WDR46: variants seen among roughly 807,000 people sequenced by gnomAD.
WDR46 encodes WD repeat-containing protein 46.
In WDR46, 58 loss-of-function variants were observed where a neutral mutation model predicts 74.7. That is an observed-to-expected ratio of 0.78 (90% CI 0.63 to 0.97). The LOEUF (loss-of-function observed/expected upper bound fraction) is 0.97. WDR46 is among the 50% of genes least tolerant of loss of function. The pLI, the probability that WDR46 is intolerant of heterozygous loss-of-function variation, is 0.00. For missense variants in WDR46, 702 were observed against 790.1 expected (o/e 0.89, Z 1.34); for synonymous variants, 278 against 297.3 (o/e 0.93, Z 0.67).
In WDR46 at chr6:33,287,949, T is replaced by C; in HGVS notation, c.623+16A>G. 6.2e-7 allele frequency: 1 copy of C among 1,613,918 alleles called. No individual in the cohort carries two copies. Among genetic ancestry groups the C allele is most frequent in the Non-Finnish European group, 8.5e-7 (1 of 1,179,794 alleles). On this transcript the variant is annotated intron_variant, in intron 6 of 14. Coordinates refer to ENST00000374617, the MANE Select transcript of WDR46 (RefSeq NM_005452.6). The stretch of plus-strand genomic sequence containing the variant: ...AAACACATCTTAGTTCAAGAGTCAC[T>C]AGAATTCAACCTTACCTTCCAGTTC...
chr6:33,286,160 A>AT (rs943328498), intron 10 of WDR46, among the ~76,000 whole-genome samples: 5 of 131,968 alleles, frequency 3.8e-5, no homozygotes, highest in African/African-American at 1.5e-4. Context: ...ATTTAAAAAA[A>AT]AAAAGGTCAG....
intron 10 of WDR46, chr6:33,284,648 G>A (rs765015627): frequency 6.5e-6 from 1 of 153,666 alleles, no homozygotes; most frequent in Non-Finnish European, 1.5e-5. Flanking sequence ...TTAAACCAAG[G>A]CTTGGTAAAC....
intron 3 of WDR46, 48 bp from the exon 4 acceptor site, chr6:33,288,518 G>A (rs1039760878): frequency 2.6e-5 from 42 of 1,610,994 alleles, no homozygotes; most frequent in Non-Finnish European, 3.5e-5. Flanking sequence ...CACAGGATAA[G>A]TGGGGTCACA....
chr6:33,286,786 G>C lies in WDR46; in HGVS notation c.1115+9C>G. 1.2e-6 allele frequency: 2 copies of C among 1,613,624 alleles called. No homozygotes were observed. Among genetic ancestry groups the C allele is most frequent in the Non-Finnish European group, 1.7e-6 (2 of 1,179,738 alleles). ...TGACTCCTAACACCTCACCCCACCA[G>C]TGACTTACGTGCCTGTAGAATCTAC... is the stretch of plus-strand genomic sequence containing the variant. On this transcript the variant is annotated intron_variant, in intron 10 of 14. Coordinates refer to ENST00000374617, the MANE Select transcript of WDR46 (RefSeq NM_005452.6).
chr6:33,280,857 C>T lies in WDR46; in HGVS notation c.1246G>A (p.Val416Met). Residue 416 changes from valine (V) to methionine (M), a missense_variant, in exon 11 of 15, where the codon GTG becomes ATG. Transcript: ENST00000374617. ...HLAFSQRGLL[V>M]AGMGDVVNIW... ...TTGACAACGTCACCCATTCCCGCCA[C>T]CAGCAGTCCCCTCTGGGAGAAGGCC... 1.2e-6 allele frequency: 2 copies of T among 1,614,210 alleles called. No individual in the cohort carries two copies. Among genetic ancestry groups the T allele is most frequent in the Non-Finnish European group, 1.7e-6 (2 of 1,180,040 alleles).
chr6:33,285,656 C>T (rs1385701893), intron 10 of WDR46, among the ~76,000 whole-genome samples: 5 of 151,178 alleles, frequency 3.3e-5, no homozygotes, highest in Admixed American at 1.3e-4. Context: ...CCCAAGTTGC[C>T]GGAATTACAG....
In WDR46 at chr6:33,288,959, G is replaced by A. The variant is rs201393892; in HGVS notation, c.124C>T (p.Pro42Ser). 108 of 1,614,052 alleles carry A rather than the reference G, an allele frequency of 6.7e-5. 1 individual carries two copies. In the Admixed American group the frequency reaches 7.8e-4, roughly 12 times the overall value. ...ETVPTTAGASPGPPRNKKNRE... is the reference protein window; with the variant it reads ...ETVPTTAGASSGPPRNKKNRE... ...TTCTTCTTGTTACGAGGAGGCCCTG[G>A]AGAGGCTCCGGCTGTGGTCGGAACG... The change falls in exon 2 of 15, where the codon CCA becomes TCA. Residue 42 changes from proline to serine, a missense_variant. Physicochemically the swap from Pro to Ser is moderately conservative, Grantham distance 74. Transcript: ENST00000374617.
chr6:33,280,208 C>T (rs1766018392), intron 12 of WDR46, among the ~76,000 whole-genome samples: 1 of 149,226 alleles, frequency 6.7e-6, no homozygotes, highest in Non-Finnish European at 1.5e-5. Context: ...CTGACCCCGT[C>T]CAGGAGAGGG....
chr6:33,282,549 G>A (rs142040537), intron 10 of WDR46, among the ~76,000 whole-genome samples: 16 of 152,262 alleles, frequency 1.1e-4, no homozygotes, highest in Middle Eastern at 3.4e-3. Flanking sequence ...AGAAGTCAAC[G>A]CAATCCAATC....
chr6:33,285,231 C>T (rs1417715979), intron 10 of WDR46, among the ~76,000 whole-genome samples: 1 of 151,900 alleles, frequency 6.6e-6, no homozygotes, highest in Non-Finnish European at 1.5e-5. Flanking sequence ...GAGACCGGGT[C>T]TCACTCTGTT....
chr6:33,287,455 T>G lies in WDR46; in HGVS notation c.779A>C (p.His260Pro). Reference sequence around the variant, plus strand: ...CTCAATGCCCTGATTGTCATAGATGTGGAGCCAGCGGTTCTGAGCAACAGC... The same window carrying G: ...CTCAATGCCCTGATTGTCATAGATGGGGAGCCAGCGGTTCTGAGCAACAGC... ...LLAVAQNRWL[H>P]IYDNQGIELH... The change falls in exon 8 of 15, where the codon CAC becomes CCC. Residue 260 changes from histidine (H) to proline (P), a missense_variant. His to Pro is a moderately conservative substitution (Grantham distance 77). Transcript: ENST00000374617. The G allele has an allele frequency of 1.2e-6, 2 of 1,612,550 alleles. No homozygotes were observed. The highest frequency in any genetic ancestry group is 1.1e-5 in the South Asian group (1 of 90,838).
intron 10 of WDR46, among the ~76,000 whole-genome samples, chr6:33,281,784 A>G (rs1296099445): frequency 6.6e-6 from 1 of 152,166 alleles, no homozygotes; most frequent in Non-Finnish European, 1.5e-5. Context: ...TTGGTGACCA[A>G]ATCCTCTCCA....
intron 13 of WDR46, 42 bp from the exon 14 acceptor site, chr6:33,279,652 G>C: frequency 5.6e-6 from 9 of 1,613,456 alleles, no homozygotes; most frequent in Non-Finnish European, 7.6e-6. Flanking sequence ...CAGCCTCGGA[G>C]TCAGGGAACT....
chr6:33,279,850 C>T lies in WDR46; in HGVS notation c.1534G>A (p.Glu512Lys). ...GCTCGTGGGTCCAGACAAATAAGCT[C>T]TGCAGGTACCTGGGGGTGTCACAGA... ...VKALLEKVPA[E>K]LICLDPRALA... Residue 512 changes from glutamate (E) to lysine (K), a missense_variant, in exon 13 of 15, where the codon GAG (glutamate) becomes AAG (lysine). Physicochemically the swap from Glu to Lys is moderately conservative, Grantham distance 56. Transcript: ENST00000374617. 6.2e-7 allele frequency: 1 copy of T among 1,614,026 alleles called. No homozygotes were observed.
Position 33,280,735 on chromosome 6 carries a change from G to A in WDR46, c.1368C>T (p.Cys456=), listed in dbSNP as rs1372132564. ...CCACCCCCAGCACATCTTCAAAGGG[G>A]CAGAACTGAAGGCCATGCACAGGGC... is the stretch of plus-strand genomic sequence containing the variant. ...LSGPVHGLQF[C]PFEDVLGVGH... Residue 456 remains cysteine (C), a synonymous_variant, in exon 11 of 15, where the codon TGC becomes TGT. Transcript: ENST00000374617. 6.2e-7 allele frequency: 1 copy of A among 1,609,332 alleles called. No individual in the cohort carries two copies. The highest frequency in any genetic ancestry group is 1.1e-5 in the South Asian group (1 of 90,526).
At chr6:33,285,226 C>T (rs1466239142) in intron 10 of WDR46, among the ~76,000 whole-genome samples, 4 of 151,616 alleles carry the variant, frequency 2.6e-5, no homozygotes, top group African/African-American at 9.7e-5. Context: ...TTTCTGAGAC[C>T]GGGTCTCACT....
chr6:33,279,400 C>T (rs1765914966), intron 14 of WDR46, 26 bp from the exon 15 acceptor site: 1 of 1,612,556 alleles, frequency 6.2e-7, no homozygotes, highest in African/African-American at 1.3e-5. Flanking sequence ...GGGGAGGACA[C>T]AGGCACAGAG....
rs779482908 is a variant in WDR46 at position 33,279,616 on chromosome 6, G to A, written c.1621-6C>T. The A allele has an allele frequency of 1.9e-6, 3 of 1,614,166 alleles. No homozygotes were observed. The highest frequency in any genetic ancestry group is 3.3e-5 in the Admixed American group (2 of 60,028). ...TTAGCCTGCGGGTCATAGCCCTGAG[G>A]GAGGGGACAGGAGTGATATCTGTTA... On this transcript the variant is annotated splice_polypyrimidine_tract_variant and splice_region_variant and intron_variant, in intron 13 of 14. Transcript: ENST00000374617.
intron 10 of WDR46, 29 bp from the exon 11 acceptor site, chr6:33,281,016 T>C: frequency 1.3e-6 from 2 of 1,555,984 alleles, no homozygotes; most frequent in Non-Finnish European, 1.7e-6. Context: ...TCAATTAATA[T>C]GTCAGTAAAT....
Sources: allele counts gnomAD v4.1 joint callset (sites outside exome capture counted in the v4.1 genomes callset), GRCh38; gene constraint gnomAD v4.1.1; transcripts MANE v1.5; gene names NCBI Gene and HGNC (gene_info 2026-07-23, HGNC 2026-07-21).